The following OGDHL variants were observed in gnomAD, a reference collection of about 807,000 sequenced individuals.
OGDHL encodes the protein oxoglutarate dehydrogenase L, also known as 2-oxoglutarate dehydrogenase-like, mitochondrial.
OGDHL carries 79 observed loss-of-function variants against 109.6 expected under a neutral mutation model. The observed-to-expected ratio is 0.72, with a 90% confidence interval of 0.60 to 0.87. The LOEUF (loss-of-function observed/expected upper bound fraction) is 0.87, where lower values mean the gene tolerates loss of function less well. Among genes scored for constraint, OGDHL ranks in the 40% least tolerant of loss-of-function variants. OGDHL has a pLI of 0.00. For missense variants in OGDHL, 1,275 were observed against 1,362.2 expected (o/e 0.94, Z 1.01); for synonymous variants, 528 against 537.2 (o/e 0.98, Z 0.24).
At chr10:49,750,503 G>A (rs1280044190) in intron 7 of OGDHL, among the ~76,000 whole-genome samples, 1 of 152,194 alleles carries the variant, frequency 6.6e-6, no homozygotes, top group African/African-American at 2.4e-5. Context: ...CCCTTCCCTG[G>A]AAGAAATCCC....
chr10:49,744,643 C>T lies in OGDHL; in HGVS notation c.1732+7G>A, dbSNP rs767322574. The T allele has an allele frequency of 3.1e-6, 5 of 1,610,604 alleles. No homozygotes were observed. The highest frequency in any genetic ancestry group is 1.7e-4 in the Middle Eastern group (1 of 6,058). ...GAGTCCCTCTGAGCCACACACTGCT[C>T]GCTCACCAGGCCAGGGGGAGTCCAA... On this transcript the variant is annotated splice_region_variant and intron_variant, in intron 13 of 22. Transcript: ENST00000374103.
At position 49,746,869 on chromosome 10, in the gene OGDHL, T is replaced by C; in HGVS notation, c.1177A>G (p.Ile393Val). ...AAGGCGGCGTCCCCATGAACCAGGA[T>C]GGACATGACCTGCAGGGCAGGTGTG... ...GDAQGKKVMS[I>V]LVHGDAAFAG... The change falls in exon 10 of 23, where the codon ATC becomes GTC. Residue 393 changes from isoleucine to valine, a missense_variant. By Grantham distance (29) the Ile-to-Val change is conservative. Transcript: ENST00000374103. 1 of 1,614,120 alleles carries C rather than the reference T, an allele frequency of 6.2e-7. No homozygotes were observed. The highest frequency in any genetic ancestry group is 1.7e-5 in the Admixed American group (1 of 60,028).
At chr10:49,744,507 G>C (rs553800023) in intron 13 of OGDHL, 143 bp downstream of exon 13, 1 of 656,990 alleles carries the variant, frequency 1.5e-6, no homozygotes, top group African/African-American at 1.8e-5. Context: ...TCGGCCCCAC[G>C]CAGCTTTGGG....
In OGDHL at chr10:49,748,732, A is replaced by T. The variant is rs545896357; in HGVS notation, c.987+994T>A. On this transcript the variant is annotated intron_variant, in intron 8 of 22. Coordinates refer to ENST00000374103, the MANE Select transcript of OGDHL (RefSeq NM_018245.3). ...AGAAAGACCTGGGATAGGAGCCAGT[A>T]GGTATGGGTCCACACACACACACAC... Among the ~76,000 whole-genome samples, 5 of 139,174 alleles carry T rather than the reference A, an allele frequency of 3.6e-5. No individual in the cohort carries two copies. The East Asian group carries it at 1.1e-3, about 31-fold the overall frequency. 91.3% of individuals were successfully genotyped at this position (139,174 alleles called of 152,430 possible).
chr10:49,743,997 T>C lies in OGDHL; in HGVS notation c.1858A>G (p.Thr620Ala), dbSNP rs1409817847. 1.1e-5 allele frequency: 17 copies of C among 1,613,612 alleles called. No individual in the cohort carries two copies. The highest frequency in any genetic ancestry group is 1.4e-5 in the Non-Finnish European group (17 of 1,179,664). The change falls in exon 14 of 23, where the codon ACT becomes GCT. Residue 620 changes from threonine (T) to alanine (A), a missense_variant. By Grantham distance (58) the Thr-to-Ala change is moderately conservative. Coordinates refer to ENST00000374103, the MANE Select transcript of OGDHL (RefSeq NM_018245.3). ...SVPLEDFKIHTGLSRILRGRA... is the reference protein window; with the variant it reads ...SVPLEDFKIHAGLSRILRGRA... The stretch of plus-strand genomic sequence containing the variant: ...GCAGCCTGTCCAGCAACCTCACCAG[T>C]GTGGATCTTAAAGTCCTCCAGGGGC...
intron 8 of OGDHL, among the ~76,000 whole-genome samples, 175 bp downstream of exon 8, chr10:49,749,551 C>T (rs1299315218): frequency 1.3e-5 from 2 of 152,146 alleles, no homozygotes; most frequent in East Asian, 3.9e-4. Flanking sequence ...GCAGCCCTTG[C>T]TCCAAAAAGC....
Position 49,752,740 on chromosome 10 carries a change from T to A in OGDHL, c.376A>T (p.Ile126Phe). ...AGCTGGGCCACATGGTGACCCCGGA[T>A]CTGGGAGGAGGGAAAAGAGCAGGGT... ...AVQSLIRAYQ[I>F]RGHHVAQLDP... is the part of the protein sequence containing the mutation. The change falls in exon 4 of 23, where the codon ATC becomes TTC. Residue 126 changes from isoleucine (I) to phenylalanine (F), a missense_variant and splice_region_variant. Ile to Phe is a conservative substitution (Grantham distance 21). Coordinates refer to ENST00000374103, the MANE Select transcript of OGDHL (RefSeq NM_018245.3). 4 of 1,612,766 alleles carry A rather than the reference T, an allele frequency of 2.5e-6. No individual in the cohort carries two copies. The highest frequency in any genetic ancestry group is 3.4e-6 in the Non-Finnish European group (4 of 1,178,914).
chr10:49,749,936 G>T, intron 7 of OGDHL, 120 bp from the exon 8 acceptor site: 1 of 787,090 alleles, frequency 1.3e-6, no homozygotes, highest in Non-Finnish European at 2.1e-6. Context: ...GCCCTCCTCA[G>T]GCCACCCAAT....
chr10:49,759,098 G>A (rs920262432), intron 1 of OGDHL, among the ~76,000 whole-genome samples: 6 of 152,226 alleles, frequency 3.9e-5, no homozygotes, highest in African/African-American at 1.4e-4. Flanking sequence ...CATCCAGTGA[G>A]CACAGGTGTC....
intron 8 of OGDHL, among the ~76,000 whole-genome samples, chr10:49,749,011 C>T (rs1379875425): frequency 1.3e-5 from 2 of 152,130 alleles, no homozygotes; most frequent in Non-Finnish European, 2.9e-5. Flanking sequence ...GAGTTCAAGA[C>T]CAGCCTGACC....
At chr10:49,760,939 G>T (rs572115117) in intron 1 of OGDHL, among the ~76,000 whole-genome samples, 1 of 152,360 alleles carries the variant, frequency 6.6e-6, no homozygotes, top group Non-Finnish European at 1.5e-5. Context: ...AAGTCTGGCT[G>T]TGTCCAGAAT....
chr10:49,744,032 G>T lies in OGDHL; in HGVS notation c.1823C>A (p.Ala608Asp), dbSNP rs774673189. 8 of 1,614,124 alleles carry T rather than the reference G, an allele frequency of 5.0e-6. No individual in the cohort carries two copies. The South Asian group carries it at 8.8e-5, about 18-fold the overall frequency. ...AAAGTCCTCCAGGGGCACAGAGCTG[G>T]CCACACTGCCGATGTGGGTGAGCAT... is the stretch of plus-strand genomic sequence containing the variant. ...EDMLTHIGSV[A>D]SSVPLEDFKI... The change falls in exon 14 of 23, where the codon GCC becomes GAC. Residue 608 changes from alanine to aspartate, a missense_variant. Ala to Asp is a moderately radical substitution (Grantham distance 126, BLOSUM62 -2). Transcript: ENST00000374103.
Position 49,750,829 on chromosome 10 carries a change from G to C in OGDHL, c.896+10C>G. 6.2e-7 allele frequency: 1 copy of C among 1,605,324 alleles called. No homozygotes were observed. Among genetic ancestry groups the C allele is most frequent in the Non-Finnish European group, 8.5e-7 (1 of 1,175,238 alleles). On this transcript the variant is annotated intron_variant, in intron 7 of 22. Transcript: ENST00000374103. ...AGAATGCGCAAGGCACAGCAGGGAG[G>C]GGGACCCACCTGTGTGGCATCCCCA...
At chr10:49,754,387 C>T (rs1306165986) in intron 3 of OGDHL, among the ~76,000 whole-genome samples, 1 of 152,164 alleles carries the variant, frequency 6.6e-6, no homozygotes, top group East Asian at 1.9e-4. Flanking sequence ...TCATTAGTCA[C>T]TTTTGGAGTG....
chr10:49,738,507 A>G (rs904613132), intron 17 of OGDHL: 1 of 553,322 alleles, frequency 1.8e-6, no homozygotes, highest in Non-Finnish European at 3.3e-6. Flanking sequence ...AAAAGCAAAA[A>G]GCCCGCACTG....
chr10:49,758,064 C>A (rs1197303747), intron 2 of OGDHL, among the ~76,000 whole-genome samples: 1 of 152,190 alleles, frequency 6.6e-6, no homozygotes, highest in Non-Finnish European at 1.5e-5. Flanking sequence ...TTTATTTTAT[C>A]AGATCAATAC....
chr10:49,753,808 T>G (rs779919240), intron 3 of OGDHL, among the ~76,000 whole-genome samples: 4 of 150,820 alleles, frequency 2.7e-5, no homozygotes, highest in Non-Finnish European at 5.9e-5. Context: ...GAGAATCGCT[T>G]GAATCTGGGA....
chr10:49,741,355 A>G (rs1207451043), intron 15 of OGDHL, among the ~76,000 whole-genome samples: 1 of 152,074 alleles, frequency 6.6e-6, no homozygotes, highest in Non-Finnish European at 1.5e-5. Flanking sequence ...CCTGGCAAGG[A>G]CTGACAGGTA....
At chr10:49,736,569 G>C (rs561415143) in intron 20 of OGDHL, 49 bp from the exon 21 acceptor site, 2 of 1,585,732 alleles carry the variant, frequency 1.3e-6, no homozygotes, top group African/African-American at 2.7e-5. Flanking sequence ...CAGAGGGGCT[G>C]GGGCAGCTCA....
Sources: allele counts gnomAD v4.1 joint callset (sites outside exome capture counted in the v4.1 genomes callset), GRCh38; gene constraint gnomAD v4.1.1; transcripts MANE v1.5; gene names NCBI Gene and HGNC (gene_info 2026-07-23, HGNC 2026-07-21).